Variants in AHDC1 observed in about 807,000 individuals in gnomAD.
The protein encoded by AHDC1 is AT-hook DNA binding motif containing 1, also known as transcription factor Gibbin.
Under a neutral mutation model 87.9 loss-of-function variants are expected in AHDC1, and 7 were observed. The observed-to-expected ratio is 0.08, with a 90% CI of 0.05 to 0.15. The LOEUF is 0.15. Ranked by LOEUF, AHDC1 falls within the 10% of genes least tolerant of loss-of-function variation. AHDC1 has a pLI of 1.00. For synonymous variants in AHDC1, 1,051 were observed against 1,006.8 expected, an observed-to-expected ratio of 1.04 and a Z score of -0.83; for missense variants, 1,841 against 2,253.2, an observed-to-expected ratio of 0.82 and a Z score of 3.70.
rs752057301 is a variant in AHDC1, at chr1:27,561,859, C to T, written c.-628-2976G>A. Among the ~76,000 whole-genome samples the T allele has an allele frequency of 1.3e-5, 2 of 151,800 alleles. No homozygotes were observed. The highest frequency in any genetic ancestry group is 2.9e-5 in the Non-Finnish European group (2 of 67,940). On this transcript the variant is annotated intron_variant, in intron 3 of 8. Transcript: ENST00000673934. The surrounding 1 kb of genome is among the most constrained non-coding windows in gnomAD (Gnocchi z 4.2). ...GCACAAACACAAAAGCAGAGACGGACTGGTGATGAGGGGCTCATGGAAGAA... is the reference window on the plus strand; with the variant it reads ...GCACAAACACAAAAGCAGAGACGGATTGGTGATGAGGGGCTCATGGAAGAA...
At chr1:27,568,777 G>C (rs972492190) in intron 3 of AHDC1, among the ~76,000 whole-genome samples, 6 of 151,954 alleles carry the variant, frequency 3.9e-5, no homozygotes, top group Non-Finnish European at 7.4e-5. Flanking sequence ...GGCCGGGCCG[G>C]GCCGGGGCGC....
chr1:27,548,050 C>T lies in AHDC1; in HGVS notation c.4066G>A (p.Asp1356Asn), dbSNP rs962169806. 5.0e-6 allele frequency: 8 copies of T among 1,612,892 alleles called. No individual in the cohort carries two copies. The highest frequency in any genetic ancestry group is 6.8e-6 in the Non-Finnish European group (8 of 1,179,198). Residue 1356 changes from aspartate to asparagine, a missense_variant, in exon 8 of 9, where the codon GAT (aspartate) becomes AAT (asparagine). This residue lies in a region of AHDC1 where 505 missense variants were observed against 626.2 expected (regional missense o/e 0.81). Coordinates refer to ENST00000673934, the MANE Select transcript of AHDC1 (RefSeq NM_001371928.1). Reference protein sequence around the residue: ...PYSMNPSTPSDGTFGQGFHCD... With the variant: ...PYSMNPSTPSNGTFGQGFHCD... Reference sequence around the variant, plus strand: ...TGGAAGCCTTGGCCAAAGGTGCCATCGGAAGGCGTGGACGGGTTCATGGAG... The same window carrying T: ...TGGAAGCCTTGGCCAAAGGTGCCATTGGAAGGCGTGGACGGGTTCATGGAG...
At chr1:27,594,646 C>T (rs1442782398) in intron 3 of AHDC1, among the ~76,000 whole-genome samples, 1 of 152,240 alleles carries the variant, frequency 6.6e-6, no homozygotes, top group East Asian at 1.9e-4. Flanking sequence ...CCTCCCCAGG[C>T]AGAGGAGGCT....
In AHDC1 at chr1:27,595,217, G is replaced by C. The variant is rs1221540358; in HGVS notation, c.-629+8180C>G. Among the ~76,000 whole-genome samples the C allele has an allele frequency of 6.6e-6, 1 of 152,098 alleles. No individual in the cohort carries two copies. The highest frequency in any genetic ancestry group is 1.5e-5 in the Non-Finnish European group (1 of 68,010). ...AAGCAGTGAGTGTATGTGTGTTGTA[G>C]GGGGAGGCTGTATGTTTGGAAAGGT... On this transcript the variant is annotated intron_variant, in intron 3 of 8. Coordinates refer to ENST00000673934, the MANE Select transcript of AHDC1 (RefSeq NM_001371928.1). This position sits in a 1 kb window ranked among gnomAD's most constrained non-coding sequence, Gnocchi z 4.0.
chr1:27,572,349 C>A (rs1170810874), intron 3 of AHDC1, among the ~76,000 whole-genome samples: 2 of 152,102 alleles, frequency 1.3e-5, no homozygotes, highest in African/African-American at 4.8e-5. Flanking sequence ...TCCTGGGGCC[C>A]CCCTCTGTAC....
chr1:27,597,389 G>T (rs985497754), intron 3 of AHDC1, among the ~76,000 whole-genome samples: 1 of 151,878 alleles, frequency 6.6e-6, no homozygotes, highest in Non-Finnish European at 1.5e-5. Context: ...GAGAGAGAGA[G>T]AGAGAGACGC....
At chr1:27,571,771 A>C (rs1159962587) in intron 3 of AHDC1, among the ~76,000 whole-genome samples, 1 of 151,882 alleles carries the variant, frequency 6.6e-6, no homozygotes, top group Non-Finnish European at 1.5e-5. Flanking sequence ...GCGCTGGCAG[A>C]AAACAAACCC....
intron 3 of AHDC1, among the ~76,000 whole-genome samples, chr1:27,602,542 G>C (rs1299724701): frequency 2.6e-5 from 4 of 151,992 alleles, no homozygotes; most frequent in African/African-American, 9.7e-5. Context: ...GGCTCTGCCC[G>C]GGGACCCAGA....
intron 8 of AHDC1, among the ~76,000 whole-genome samples, chr1:27,541,321 A>G (rs1175212256): frequency 6.6e-6 from 1 of 151,818 alleles, no homozygotes; most frequent in African/African-American, 2.4e-5. Flanking sequence ...TTTATTTTTT[A>G]TTTTTTATTT....
chr1:27,571,999 AT>A (rs1262388094), intron 3 of AHDC1, among the ~76,000 whole-genome samples: 1 of 151,654 alleles, frequency 6.6e-6, no homozygotes, highest in Non-Finnish European at 1.5e-5. Flanking sequence ...CCTCTTCAAT[AT>A]TTATCACTCC....
Position 27,549,055 on chromosome 1 carries a change from C to A in AHDC1, c.3061G>T (p.Ala1021Ser). The A allele has an allele frequency of 6.4e-7, 1 of 1,573,854 alleles. No individual in the cohort carries two copies. Among genetic ancestry groups the A allele is most frequent in the Non-Finnish European group, 8.6e-7 (1 of 1,159,670 alleles). Reference protein sequence around the residue: ...SPSSAHSAGYAPPPTGGPCLP... With the variant: ...SPSSAHSAGYSPPPTGGPCLP... ...CAGGGGCCCCCGGTAGGCGGTGGGG[C>A]ATAGCCGGCGCTGTGGGCGCTGCTG... Residue 1021 changes from alanine (A) to serine (S), a missense_variant, in exon 8 of 9, where the codon GCC becomes TCC. By Grantham distance (99) the Ala-to-Ser change is moderately conservative. Transcript: ENST00000673934.
intron 3 of AHDC1, among the ~76,000 whole-genome samples, chr1:27,575,244 C>A (rs2088683075): frequency 6.6e-6 from 1 of 152,210 alleles, no homozygotes; most frequent in Admixed American, 6.5e-5. Context: ...ACCTCCGCCC[C>A]CCTCCCAGAT....
chr1:27,539,445 AT>A (rs1188837005), intron 8 of AHDC1, among the ~76,000 whole-genome samples: 2 of 144,442 alleles, frequency 1.4e-5, no homozygotes, highest in African/African-American at 2.6e-5. Context: ...GGCCTGGAGA[AT>A]TTTTTTTTTG....
chr1:27,534,665 T>A lies in AHDC1; in HGVS notation c.*295A>T, dbSNP rs1423519587. ...CTCTCTCGCTCTCTCTCTCTCTTTT[T>A]TTTTTTTGTCTTTTTCTAAAACTGT... On this transcript the variant is annotated 3_prime_UTR_variant, in exon 9 of 9. Transcript: ENST00000673934. 3 of 152,508 alleles carry A rather than the reference T, an allele frequency of 2.0e-5. No individual in the cohort carries two copies. The highest frequency in any genetic ancestry group is 2.9e-5 in the Non-Finnish European group (2 of 68,024). The allele number at this position is 152,508 out of a possible 1,614,324, so 9.4% of individuals were successfully genotyped here. A position where few individuals can be genotyped will look rare whatever the true frequency, so the allele number is the denominator to read the frequency against.
intron 3 of AHDC1, among the ~76,000 whole-genome samples, chr1:27,579,253 G>A (rs1298015374): frequency 6.6e-6 from 1 of 152,062 alleles, no homozygotes; most frequent in Non-Finnish European, 1.5e-5. Flanking sequence ...CCAGGCTGGT[G>A]TTCTAGGTCT....
chr1:27,546,646 T>C (rs1238140484), intron 8 of AHDC1, among the ~76,000 whole-genome samples: 7 of 152,160 alleles, frequency 4.6e-5, no homozygotes, highest in Admixed American at 4.6e-4. Context: ...AAATAGCCTT[T>C]GGGGGTACCT....
rs761785269 is a variant in AHDC1, at chr1:27,551,525, G to A, written c.591C>T (p.Leu197=). The A allele has an allele frequency of 5.0e-6, 8 of 1,605,136 alleles. 1 individual carries two copies. In the South Asian group the frequency reaches 8.8e-5, roughly 18 times the overall value. ...CCCTAGGCTCAGGCTCAGGCTCGTA[G>A]AGGGGATGGCTGGGCCGCTCCGACT... The part of the protein sequence containing the change: ...HAKSERPSHP[L]YEPEPEPRDS... Residue 197 remains leucine (L), a synonymous_variant, in exon 8 of 9, where the codon CTC becomes CTT. Transcript: ENST00000673934.
In AHDC1 at chr1:27,548,859, G is replaced by C; in HGVS notation, c.3257C>G (p.Ser1086Cys). 1 of 1,612,882 alleles carries C rather than the reference G, an allele frequency of 6.2e-7. No individual in the cohort carries two copies. The highest frequency in any genetic ancestry group is 8.5e-7 in the Non-Finnish European group (1 of 1,179,870). The change falls in exon 8 of 9, where the codon TCC becomes TGC. Residue 1086 changes from serine to cysteine, a missense_variant. Around this residue, in one of 13 missense-constraint regions of AHDC1, gnomAD observed 378 missense variants for 399.0 expected, o/e 0.95. Transcript: ENST00000673934. Reference sequence around the variant, plus strand: ...GGGCTGGAAGGAGGAGGAGGAGGAGGAGGCGGCAGAGGCTGCAGAGGTGGC... The same window carrying C: ...GGGCTGGAAGGAGGAGGAGGAGGAGCAGGCGGCAGAGGCTGCAGAGGTGGC... The part of the protein sequence containing the change: ...ASATSAASAA[S>C]SSSSSFQPSP...
chr1:27,564,890 G>A (rs905026431), intron 3 of AHDC1, among the ~76,000 whole-genome samples: 1 of 152,164 alleles, frequency 6.6e-6, no homozygotes, highest in Non-Finnish European at 1.5e-5. Context: ...TGAGATGTCA[G>A]TGTCTAGGGC....
Sources: gnomAD v4.1 joint callset for allele counts (sites outside exome capture counted in the v4.1 genomes callset) on GRCh38, gnomAD v4.1.1 for gene constraint, gnomAD v4.1.1 regional missense constraint, Gnocchi (gnomAD v3.1) non-coding constraint, MANE v1.5 for transcripts, NCBI Gene and HGNC (gene_info 2026-07-23, HGNC 2026-07-21) for gene names.